The following CIMAP3 variants were observed in gnomAD, a reference collection of about 807,000 sequenced individuals.
CIMAP3 encodes ciliary microtubule-associated protein 3.
At chr1:111,341,225 G>T in the CIMAP3 span, among the ~76,000 whole-genome samples, 1 of 150,586 alleles carries the variant, frequency 6.6e-6, no homozygotes, top group East Asian at 1.9e-4. Flanking sequence ...GGGGAAGGGG[G>T]GAGGGATAGC....
chr1:111,339,971 G>A, the CIMAP3 span, among the ~76,000 whole-genome samples: 4 of 151,816 alleles, frequency 2.6e-5, no homozygotes, highest in African/African-American at 9.7e-5. Flanking sequence ...CAAGGCTCCA[G>A]TAACCAAAAC....
chr1:111,349,689 G>A, the CIMAP3 span: 1 of 155,428 alleles, frequency 6.4e-6, no homozygotes, highest in African/African-American at 2.4e-5. Flanking sequence ...AAATTTAACT[G>A]GCTTTGCTTT....
At chr1:111,343,945 G>A in the CIMAP3 span, among the ~76,000 whole-genome samples, 6 of 152,090 alleles carry the variant, frequency 3.9e-5, no homozygotes, top group South Asian at 4.1e-4. Context: ...GCTTTCTTTC[G>A]CTTCCCTATG....
At chr1:111,349,847 G>T in the CIMAP3 span, 1 of 372,302 alleles carries the variant, frequency 2.7e-6, no homozygotes, top group Non-Finnish European at 5.0e-6. Context: ...TATAGATACT[G>T]AGGTACAGAA....
the CIMAP3 span, among the ~76,000 whole-genome samples, chr1:111,337,535 A>G: frequency 3.2e-4 from 49 of 152,160 alleles, no homozygotes; most frequent in African/African-American, 1.1e-3. Flanking sequence ...AAAAAAAGGC[A>G]GGGGTTGCAA....
At chr1:111,347,106 C>T in the CIMAP3 span, 1 of 1,501,844 alleles carries the variant, frequency 6.7e-7, no homozygotes, top group Non-Finnish European at 8.9e-7. Flanking sequence ...GAGGGATAGC[C>T]AAGTTTCCAA....
At chr1:111,335,270 G>T in the CIMAP3 span, among the ~76,000 whole-genome samples, 1 of 152,078 alleles carries the variant, frequency 6.6e-6, no homozygotes, top group Non-Finnish European at 1.5e-5. Context: ...CAGAGTGAGA[G>T]ACACAGAAGA....
chr1:111,329,898 TTTTC>T, the CIMAP3 span, among the ~76,000 whole-genome samples: 1 of 152,148 alleles, frequency 6.6e-6, no homozygotes, highest in African/African-American at 2.4e-5. Flanking sequence ...CTTTTCATTT[TTTTC>T]TTTATTTTTG....
chr1:111,348,386 C>T, the CIMAP3 span: 4 of 969,846 alleles, frequency 4.1e-6, no homozygotes, highest in Non-Finnish European at 5.9e-6. Flanking sequence ...ATTTCTGTAG[C>T]TTGAGGTGGC....
chr1:111,346,934 G>C, the CIMAP3 span: 2 of 1,613,870 alleles, frequency 1.2e-6, no homozygotes, highest in Non-Finnish European at 1.7e-6. Context: ...TACCCTTTTG[G>C]AACATGTCAA....
chr1:111,337,933 C>A, the CIMAP3 span, among the ~76,000 whole-genome samples: 1 of 149,446 alleles, frequency 6.7e-6, no homozygotes, highest in African/African-American at 2.5e-5. Flanking sequence ...CAAAATTGAC[C>A]ACATAGTTGG....
chr1:111,339,423 T>G, the CIMAP3 span, among the ~76,000 whole-genome samples: 3 of 150,028 alleles, frequency 2.0e-5, no homozygotes, highest in African/African-American at 7.4e-5. Context: ...TTGTCCCTGT[T>G]TGCAGACGAC....
the CIMAP3 span, chr1:111,347,647 G>GTTTTTTTTT: frequency 1.2e-6 from 1 of 862,580 alleles, no homozygotes; most frequent in Non-Finnish European, 1.6e-6. Flanking sequence ...TGGTGTTTTT[G>GTTTTTTTTT]TTTGTTTTTT....
At chr1:111,347,396 G>A in the CIMAP3 span, among the ~76,000 whole-genome samples, 5 of 152,096 alleles carry the variant, frequency 3.3e-5, no homozygotes, top group Non-Finnish European at 5.9e-5. Context: ...GTGGGGCTCC[G>A]AAGACTGATG....
At chr1:111,327,540 T>C in the CIMAP3 span, among the ~76,000 whole-genome samples, 1 of 152,182 alleles carries the variant, frequency 6.6e-6, no homozygotes, top group African/African-American at 2.4e-5. Flanking sequence ...TCAGAGCTTG[T>C]CATTGGCCTA....
At chr1:111,339,564 GACAA>G in the CIMAP3 span, among the ~76,000 whole-genome samples, 4 of 151,544 alleles carry the variant, frequency 2.6e-5, no homozygotes, top group Non-Finnish European at 4.4e-5. Context: ...ACCAATAACA[GACAA>G]ACAGAGAGCC....
the CIMAP3 span, among the ~76,000 whole-genome samples, chr1:111,345,018 C>A: frequency 7.2e-5 from 11 of 152,264 alleles, 1 homozygote; most frequent in African/African-American, 2.6e-4. Context: ...TGGTAATGTG[C>A]TGTACAGGTT....
chr1:111,340,104 G>A, the CIMAP3 span, among the ~76,000 whole-genome samples: 1 of 152,022 alleles, frequency 6.6e-6, no homozygotes, highest in Non-Finnish European at 1.5e-5. Context: ...AAGCAATGGG[G>A]AAAGGATTCC....
At chr1:111,348,484 C>T in the CIMAP3 span, 2 of 1,567,172 alleles carry the variant, frequency 1.3e-6, no homozygotes, top group African/African-American at 2.7e-5. Flanking sequence ...ACATATCACT[C>T]TGTAACATAA....
Sources: allele counts gnomAD v4.1 joint callset (sites outside exome capture counted in the v4.1 genomes callset), GRCh38; gene constraint gnomAD v4.1.1; transcripts MANE v1.5; gene names NCBI Gene and HGNC (gene_info 2026-07-23, HGNC 2026-07-21).